The following MACROD2 variants were observed in gnomAD, a reference collection of about 807,000 sequenced individuals.
MACROD2 encodes ADP-ribose glycohydrolase MACROD2.
In MACROD2, 36 loss-of-function variants were observed where a neutral mutation model predicts 70.4. The ratio of observed to expected loss-of-function variants is 0.51; its 90% CI spans 0.39 to 0.68. The LOEUF (loss-of-function observed/expected upper bound fraction) is 0.68. Ranked by LOEUF, MACROD2 falls within the 30% of genes least tolerant of loss-of-function variation. The pLI, the probability that MACROD2 is intolerant of heterozygous loss-of-function variation, is 0.00. For synonymous variants in MACROD2, 172 were observed against 178.8 expected, an observed-to-expected ratio of 0.96 and a Z score of 0.30; for missense variants, 496 against 538.4, an observed-to-expected ratio of 0.92 and a Z score of 0.78.
At position 15,772,860 on chromosome 20, in the gene MACROD2, A is replaced by G. The variant is rs114706014; in HGVS notation, c.646-89885A>G. On this transcript the variant is annotated intron_variant, in intron 8 of 17. Transcript: ENST00000684519. ...TTGCAGTACAAAATAAATTTATAAA[A>G]AGAAATTAAGCATTGAAAACAGATA... 8.0e-3 allele frequency among the ~76,000 whole-genome samples: 1,218 copies of G among 152,270 alleles called. 16 individuals carry two copies. The highest frequency in any genetic ancestry group is 0.027 in the African/African-American group (1,115 of 41,566).
At chr20:14,452,554 T>G (rs2084256764) in intron 3 of MACROD2, among the ~76,000 whole-genome samples, 1 of 152,124 alleles carries the variant, frequency 6.6e-6, no homozygotes, top group African/African-American at 2.4e-5. Context: ...AAGCTAAAGT[T>G]GAACTCAGTG....
intron 8 of MACROD2, among the ~76,000 whole-genome samples, chr20:15,836,823 A>G (rs1275918665): frequency 6.6e-6 from 1 of 152,154 alleles, no homozygotes; most frequent in Non-Finnish European, 1.5e-5. Flanking sequence ...TCAAGGAAGC[A>G]ATATGGGTCT....
At chr20:14,538,433 C>A (rs987158235) in intron 4 of MACROD2, among the ~76,000 whole-genome samples, 7 of 152,200 alleles carry the variant, frequency 4.6e-5, no homozygotes, top group Admixed American at 4.6e-4. Context: ...CATGCATCAT[C>A]TGAAATGATA....
chr20:15,130,320 A>G (rs1016546293), intron 5 of MACROD2, among the ~76,000 whole-genome samples: 6 of 152,106 alleles, frequency 3.9e-5, no homozygotes, highest in South Asian at 2.1e-4. Flanking sequence ...TGAGAAGAAA[A>G]TACTACTATC....
At chr20:14,141,940 C>G (rs2148706087) in intron 3 of MACROD2, among the ~76,000 whole-genome samples, 1 of 151,938 alleles carries the variant, frequency 6.6e-6, no homozygotes, top group Non-Finnish European at 1.5e-5. Context: ...TGTGCCAGGT[C>G]CTGTTCTAAG....
intron 5 of MACROD2, among the ~76,000 whole-genome samples, chr20:14,965,453 C>CTTTTTTTTT (rs532870999): frequency 3.5e-4 from 24 of 68,052 alleles, no homozygotes; most frequent in South Asian, 6.8e-4. Context: ...ATTTTTTTTT[C>CTTTTTTTTT]TTTTTTTTTT....
intron 3 of MACROD2, among the ~76,000 whole-genome samples, chr20:14,471,410 A>G (rs1226570862): frequency 6.6e-6 from 1 of 152,172 alleles, no homozygotes; most frequent in African/African-American, 2.4e-5. Flanking sequence ...GACATGCTGA[A>G]TGACAACAGC....
intron 5 of MACROD2, among the ~76,000 whole-genome samples, chr20:14,764,467 T>C (rs2072058995): frequency 6.6e-6 from 1 of 152,098 alleles, no homozygotes; most frequent in African/African-American, 2.4e-5. Flanking sequence ...CATGTGTCTT[T>C]TTTTGGTGCT....
intron 6 of MACROD2, among the ~76,000 whole-genome samples, chr20:15,383,062 C>T (rs530864504): frequency 1.8e-4 from 27 of 152,136 alleles, no homozygotes; most frequent in African/African-American, 6.5e-4. Context: ...TCTAAAATGA[C>T]GAATCTGAAA....
intron 6 of MACROD2, among the ~76,000 whole-genome samples, chr20:15,367,269 G>A (rs939090524): frequency 2.0e-5 from 3 of 151,774 alleles, no homozygotes; most frequent in Non-Finnish European, 4.4e-5. Flanking sequence ...CTTGTGATCC[G>A]CCTGCCTTAG....
chr20:14,857,734 A>G (rs546127148), intron 5 of MACROD2, among the ~76,000 whole-genome samples: 1 of 152,302 alleles, frequency 6.6e-6, no homozygotes, highest in African/African-American at 2.4e-5. Context: ...ATTAAGTTCA[A>G]TAAAATTAAA....
At chr20:14,036,102 A>ACTG (rs1399782415) in intron 2 of MACROD2, among the ~76,000 whole-genome samples, 1 of 151,958 alleles carries the variant, frequency 6.6e-6, no homozygotes, top group Non-Finnish European at 1.5e-5. Flanking sequence ...AGATGGCGCC[A>ACTG]CTGCACTCCA....
At chr20:14,241,217 TGCATATTAACTA>T (rs990610554) in intron 3 of MACROD2, among the ~76,000 whole-genome samples, 4 of 152,386 alleles carry the variant, frequency 2.6e-5, no homozygotes, top group Admixed American at 2.6e-4. Flanking sequence ...AGGTATGTGA[TGCATATTAACTA>T]GCATAATCTG....
At chr20:14,607,844 A>G (rs899448216) in intron 4 of MACROD2, among the ~76,000 whole-genome samples, 2 of 152,164 alleles carry the variant, frequency 1.3e-5, no homozygotes, top group Admixed American at 1.3e-4. Context: ...TCACACTTAA[A>G]TGCTATGGAA....
intron 8 of MACROD2, among the ~76,000 whole-genome samples, chr20:15,649,340 T>C (rs1489496202): frequency 6.6e-6 from 1 of 151,798 alleles, no homozygotes; most frequent in African/African-American, 2.4e-5. Flanking sequence ...TATAAGAGTA[T>C]AGCACATGTT....
At chr20:15,595,803 C>T (rs2048738980) in intron 8 of MACROD2, among the ~76,000 whole-genome samples, 1 of 152,002 alleles carries the variant, frequency 6.6e-6, no homozygotes, top group Non-Finnish European at 1.5e-5. Flanking sequence ...TGTGTAAATG[C>T]TTTGTAAACT....
At chr20:15,070,565 T>C (rs1392972900) in intron 5 of MACROD2, among the ~76,000 whole-genome samples, 1 of 152,128 alleles carries the variant, frequency 6.6e-6, no homozygotes, top group Non-Finnish European at 1.5e-5. Flanking sequence ...AATGGCTTGG[T>C]GTCCTCCCCA....
At chr20:15,671,296 G>A (rs1421166958) in intron 8 of MACROD2, among the ~76,000 whole-genome samples, 3 of 152,098 alleles carry the variant, frequency 2.0e-5, no homozygotes, top group South Asian at 4.1e-4. Context: ...CTTTCATCAC[G>A]TTTGCTAATG....
intron 3 of MACROD2, among the ~76,000 whole-genome samples, chr20:14,224,786 C>A (rs2081716679): frequency 6.6e-6 from 1 of 152,124 alleles, no homozygotes; most frequent in Non-Finnish European, 1.5e-5. Context: ...TATTTATGAC[C>A]TGCATACCAG....
Sources: gnomAD v4.1 joint callset for allele counts (sites outside exome capture counted in the v4.1 genomes callset) on GRCh38, gnomAD v4.1.1 for gene constraint, MANE v1.5 for transcripts, NCBI Gene and HGNC (gene_info 2026-07-23, HGNC 2026-07-21) for gene names.